The following MARK1 variants were observed in gnomAD, a reference collection of about 807,000 sequenced individuals.
The protein encoded by MARK1 is serine/threonine-protein kinase MARK1.
MARK1 carries 40 observed loss-of-function variants against 96.3 expected under a neutral mutation model. The observed-to-expected ratio is 0.42, with a 90% CI of 0.32 to 0.54. The LOEUF (loss-of-function observed/expected upper bound fraction) is 0.54, where lower values mean the gene tolerates loss of function less well. Ranked by LOEUF, MARK1 falls within the 20% of genes least tolerant of loss-of-function variation. MARK1 has a pLI of 0.16. For synonymous variants in MARK1, 317 were observed against 341.2 expected, an observed-to-expected ratio of 0.93 and a Z score of 0.78; for missense variants, 719 against 984.6, an observed-to-expected ratio of 0.73 and a Z score of 3.61.
chr1:220,588,550 G>A (rs1257207045), intron 3 of MARK1, among the ~76,000 whole-genome samples: 3 of 152,030 alleles, frequency 2.0e-5, no homozygotes, highest in Admixed American at 6.6e-5. Context: ...TCTGTGCTAC[G>A]ATTTCATAGG....
At chr1:220,551,826 T>C (rs143577191) in intron 1 of MARK1, among the ~76,000 whole-genome samples, 2,242 of 152,316 alleles carry the variant, frequency 0.015, 25 homozygotes, top group South Asian at 0.025. Context: ...TATTTATAAT[T>C]ACCTCCTTCA....
intron 1 of MARK1, among the ~76,000 whole-genome samples, chr1:220,561,027 TGG>T: frequency 6.6e-6 from 1 of 152,112 alleles, no homozygotes; most frequent in African/African-American, 2.4e-5. Context: ...CAAGCAAATA[TGG>T]AAGAGAGTGT....
chr1:220,658,518 T>C lies in MARK1; in HGVS notation c.2033+684T>C, dbSNP rs564614257. Among the ~76,000 whole-genome samples, 3 of 152,328 alleles carry C rather than the reference T, an allele frequency of 2.0e-5. No homozygotes were observed. In the South Asian group the frequency reaches 6.2e-4, roughly 32 times the overall value. On this transcript the variant is annotated intron_variant, in intron 17 of 17. Coordinates refer to ENST00000366917, the MANE Select transcript of MARK1 (RefSeq NM_018650.5). ...TCTAGGGACCACATTATGGACATGT[T>C]AGTACTTGTGTTCATATTTTACAAA...
chr1:220,631,703 G>A (rs949838363), intron 10 of MARK1, among the ~76,000 whole-genome samples: 3 of 152,120 alleles, frequency 2.0e-5, no homozygotes, highest in Admixed American at 2.0e-4. Context: ...CTGGCTTGAG[G>A]GCAGAGTGGC....
intron 1 of MARK1, among the ~76,000 whole-genome samples, chr1:220,541,652 A>G (rs74797895): frequency 1.3e-5 from 2 of 152,116 alleles, no homozygotes; most frequent in Non-Finnish European, 2.9e-5. Context: ...ATCACTACGT[A>G]ATATTCTTCT....
intron 1 of MARK1, among the ~76,000 whole-genome samples, chr1:220,574,343 A>T (rs901296590): frequency 6.6e-6 from 1 of 152,232 alleles, no homozygotes; most frequent in African/African-American, 2.4e-5. Context: ...TGTCTTGCTT[A>T]TACATCGTTT....
At chr1:220,550,031 G>C (rs1024000948) in intron 1 of MARK1, among the ~76,000 whole-genome samples, 1 of 152,088 alleles carries the variant, frequency 6.6e-6, no homozygotes, top group Admixed American at 6.5e-5. Context: ...ATGTTCTTTG[G>C]GCTTGCCTTT....
intron 1 of MARK1, among the ~76,000 whole-genome samples, chr1:220,555,855 A>G (rs11590946): frequency 0.12 from 17,808 of 152,232 alleles, 1,395 homozygotes; most frequent in Non-Finnish European, 0.17. Flanking sequence ...TAGGGAGAAT[A>G]TATAGCCAGG....
chr1:220,587,825 A>G lies in MARK1; in HGVS notation c.309+6707A>G, dbSNP rs183308379. On this transcript the variant is annotated intron_variant, in intron 3 of 17. Coordinates refer to ENST00000366917, the MANE Select transcript of MARK1 (RefSeq NM_018650.5). Reference sequence around the variant, plus strand: ...TTTTATTTTGTTTTTCTAGTTAACTATTTGTTTTTACTATACAGATAATGA... The same window carrying G: ...TTTTATTTTGTTTTTCTAGTTAACTGTTTGTTTTTACTATACAGATAATGA... Among the ~76,000 whole-genome samples, 5 of 151,868 alleles carry G rather than the reference A, an allele frequency of 3.3e-5. No homozygotes were observed. In the East Asian group the frequency reaches 5.8e-4, roughly 18 times the overall value.
chr1:220,584,506 G>A (rs1380802267), intron 3 of MARK1, among the ~76,000 whole-genome samples: 1 of 152,140 alleles, frequency 6.6e-6, no homozygotes, highest in Non-Finnish European at 1.5e-5. Flanking sequence ...GTTACCGCTC[G>A]TGTCTGGTGT....
At chr1:220,633,274 C>G (rs541334214) in intron 11 of MARK1, among the ~76,000 whole-genome samples, 2 of 152,154 alleles carry the variant, frequency 1.3e-5, no homozygotes, top group South Asian at 4.2e-4. Context: ...TATCATGAAG[C>G]ATAAAAGCAA....
intron 1 of MARK1, among the ~76,000 whole-genome samples, chr1:220,567,253 C>A (rs1352700938): frequency 6.6e-6 from 1 of 152,092 alleles, no homozygotes; most frequent in African/African-American, 2.4e-5. Flanking sequence ...TAGGTTGTTT[C>A]CGACCTTTTG....
At chr1:220,555,438 A>G (rs530532432) in intron 1 of MARK1, among the ~76,000 whole-genome samples, 15 of 152,298 alleles carry the variant, frequency 9.8e-5, no homozygotes, top group African/African-American at 3.4e-4. Flanking sequence ...TTGTTGATGT[A>G]TTGAAGTAAG....
At chr1:220,642,364 G>A (rs1668323064) in intron 13 of MARK1, among the ~76,000 whole-genome samples, 1 of 152,202 alleles carries the variant, frequency 6.6e-6, no homozygotes, top group African/African-American at 2.4e-5. Flanking sequence ...TAGCAGCTGT[G>A]GCAGATCATG....
rs567182129 is a variant in MARK1 at position 220,537,913 on chromosome 1, T to C, written c.51+9040T>C. Among the ~76,000 whole-genome samples, 280 of 151,918 alleles carry C rather than the reference T, an allele frequency of 1.8e-3. 2 individuals are homozygous for C. The highest frequency in any genetic ancestry group is 5.5e-3 in the African/African-American group (229 of 41,536). On this transcript the variant is annotated intron_variant, in intron 1 of 17. Coordinates refer to ENST00000366917, the MANE Select transcript of MARK1 (RefSeq NM_018650.5). Reference sequence around the variant, plus strand: ...TTGAGAAGTGTCTGTTCATGTCCTTTGCCCACTTTTTGATGGGGTTGTTTG... The same window carrying C: ...TTGAGAAGTGTCTGTTCATGTCCTTCGCCCACTTTTTGATGGGGTTGTTTG...
In MARK1 at chr1:220,661,885, A is replaced by G; in HGVS notation, c.2107A>G (p.Thr703Ala). ...KDSKPRSLRFTWSMKTTSSMD... is the reference protein window; with the variant it reads ...KDSKPRSLRFAWSMKTTSSMD... ...TTCTAAGCCGCGTTCTTTGCGGTTC[A>G]CATGGAGTATGAAGACCACTAGTTC... Residue 703 changes from threonine (T) to alanine (A), a missense_variant, in exon 18 of 18, where the codon ACA becomes GCA. Physicochemically the swap from Thr to Ala is moderately conservative, Grantham distance 58. Transcript: ENST00000366917. 1.2e-6 allele frequency: 2 copies of G among 1,614,230 alleles called. No homozygotes were observed. Among genetic ancestry groups the G allele is most frequent in the Non-Finnish European group, 8.5e-7 (1 of 1,180,042 alleles).
At chr1:220,542,149 C>G (rs1010255816) in intron 1 of MARK1, among the ~76,000 whole-genome samples, 35 of 152,134 alleles carry the variant, frequency 2.3e-4, no homozygotes, top group Non-Finnish European at 3.2e-4. Flanking sequence ...TTTTTAATTT[C>G]TAAGTTTTAA....
chr1:220,552,755 A>T (rs1413539571), intron 1 of MARK1, among the ~76,000 whole-genome samples: 2 of 152,192 alleles, frequency 1.3e-5, no homozygotes, highest in Non-Finnish European at 2.9e-5. Context: ...TCCAATGAGA[A>T]TAGACAAAAC....
chr1:220,596,798 T>A (rs1295359613), intron 3 of MARK1, among the ~76,000 whole-genome samples: 1 of 152,176 alleles, frequency 6.6e-6, no homozygotes, highest in African/African-American at 2.4e-5. Flanking sequence ...AACATCACCA[T>A]CAATCTCCAG....
Sources: gnomAD v4.1 joint callset for allele counts (sites outside exome capture counted in the v4.1 genomes callset) on GRCh38, gnomAD v4.1.1 for gene constraint, MANE v1.5 for transcripts, NCBI Gene and HGNC (gene_info 2026-07-23, HGNC 2026-07-21) for gene names.